Variants in EXTL3 observed in about 807,000 individuals in gnomAD.
EXTL3 encodes exostosin-like 3.
A neutral mutation model predicts 69.3 loss-of-function variants in EXTL3; 27 were observed. The observed-to-expected ratio is 0.39, with a 90% CI of 0.29 to 0.54. EXTL3 has a LOEUF of 0.54. EXTL3 is among the 20% of genes least tolerant of loss of function. EXTL3 has a pLI of 0.69. For missense variants in EXTL3, 1,003 were observed against 1,231.8 expected (o/e 0.81, Z 2.78); for synonymous variants, 511 against 499.4 (o/e 1.02, Z -0.31).
In EXTL3 at chr8:28,667,068, G is replaced by A. The variant is rs533886551; in HGVS notation, c.-53+44258G>A. On this transcript the variant is annotated intron_variant, in intron 1 of 6. Coordinates refer to the EXTL3 transcript ENST00000523149. Reference sequence around the variant, plus strand: ...ACCCAGACACCAGATCCTCTGGGGCGGCAAGGATGAAAGACTCTGGTTGTG... The same window carrying A: ...ACCCAGACACCAGATCCTCTGGGGCAGCAAGGATGAAAGACTCTGGTTGTG... Among the ~76,000 whole-genome samples, 104 of 152,308 alleles carry A rather than the reference G, an allele frequency of 6.8e-4. 1 individual carries two copies. Among genetic ancestry groups the A allele is most frequent in the African/African-American group, 2.1e-3 (87 of 41,554 alleles).
At position 28,693,505 on chromosome 8, in the gene EXTL3, ATT is replaced by A. The variant is rs1016266574; in HGVS notation, c.-52-19942_-52-19941del. Among the ~76,000 whole-genome samples the A allele has an allele frequency of 9.7e-5, 14 of 143,604 alleles. No individual in the cohort carries two copies. The South Asian group carries it at 2.6e-3, about 27-fold the overall frequency. 94.2% of individuals were successfully genotyped at this position (143,604 alleles called of 152,430 possible). On this transcript the variant is annotated intron_variant, in intron 1 of 6. Coordinates refer to the EXTL3 transcript ENST00000523149. ...TTTCTAATGTGAAACTTGAATGTTT[ATT>A]TTTTTTTTTATAGCCACATGGCAAG...
At chr8:28,624,349 A>C (rs984358732) in intron 1 of EXTL3, among the ~76,000 whole-genome samples, 1 of 152,180 alleles carries the variant, frequency 6.6e-6, no homozygotes, top group African/African-American at 2.4e-5. Flanking sequence ...GGATTGCTTG[A>C]GCTCAAGAGT....
intron 1 of EXTL3, among the ~76,000 whole-genome samples, chr8:28,669,153 T>C (rs1563442179): frequency 6.6e-6 from 1 of 152,222 alleles, no homozygotes; most frequent in South Asian, 2.1e-4. Context: ...CATAAGTCAC[T>C]GTGCCTGGCC....
At position 28,716,017 on chromosome 8, in the gene EXTL3, C is replaced by T. The variant is rs374088720; in HGVS notation, c.-43C>T. On this transcript the variant is annotated 5_prime_UTR_variant, in exon 3 of 7. Coordinates refer to ENST00000220562, the MANE Select transcript of EXTL3 (RefSeq NM_001440.4). This position sits in a 1 kb window ranked among gnomAD's most constrained non-coding sequence, Gnocchi z 7.1. ...GTGGAATAGCAACCCATGGTTATGG[C>T]GAGTGACCCGACGTGATCTGGGGGG... 1.6e-5 allele frequency: 24 copies of T among 1,513,556 alleles called. No individual in the cohort carries two copies. Among genetic ancestry groups the T allele is most frequent in the African/African-American group, 1.1e-4 (8 of 73,420 alleles). The allele number at this position is 1,513,556 out of a possible 1,614,324, so 93.8% of individuals were successfully genotyped here.
chr8:28,625,996 CCAAA>C (rs1806484317), intron 1 of EXTL3, among the ~76,000 whole-genome samples: 3 of 51,742 alleles, frequency 5.8e-5, no homozygotes, highest in Admixed American at 6.2e-4. Context: ...CCACATTTCT[CCAAA>C]AAAAAAAAAA....
chr8:28,716,134 C>T lies in EXTL3; in HGVS notation c.75C>T (p.Asn25=). 2 of 1,613,958 alleles carry T rather than the reference C, an allele frequency of 1.2e-6. No individual in the cohort carries two copies. Among genetic ancestry groups the T allele is most frequent in the South Asian group, 1.1e-5 (1 of 91,088 alleles). The change falls in exon 3 of 7, where the codon AAC becomes AAT. Residue 25 remains asparagine, a synonymous_variant. Transcript: ENST00000220562. This position sits in a 1 kb window ranked among gnomAD's most constrained non-coding sequence, Gnocchi z 7.1. ...GGQTCMLRWS[N]RIRLTWLSFT... ...AGACCTGCATGCTGCGCTGGTCCAA[C>T]CGCATCCGCCTCACGTGGCTCAGCT... is the stretch of plus-strand genomic sequence containing the variant.
chr8:28,725,110 G>T (rs1298796676), intron 3 of EXTL3, among the ~76,000 whole-genome samples: 1 of 152,138 alleles, frequency 6.6e-6, no homozygotes, highest in African/African-American at 2.4e-5. Flanking sequence ...TTGCTATAGG[G>T]ATGTATTATG....
intron 1 of EXTL3, among the ~76,000 whole-genome samples, chr8:28,655,950 C>T (rs991555826): frequency 6.6e-6 from 1 of 152,022 alleles, no homozygotes. Flanking sequence ...CTATTATTGG[C>T]TTAGAAATAA....
At chr8:28,664,584 T>C (rs1350348380) in intron 1 of EXTL3, among the ~76,000 whole-genome samples, 1 of 152,132 alleles carries the variant, frequency 6.6e-6, no homozygotes, top group African/African-American at 2.4e-5. Context: ...GTCTCAATAT[T>C]TTTTTTCATA....
intron 1 of EXTL3, among the ~76,000 whole-genome samples, chr8:28,661,901 T>A (rs1585237460): frequency 7.0e-6 from 1 of 143,736 alleles, no homozygotes. Context: ...AAAATTAAAA[T>A]AAAAGATAAA....
chr8:28,619,087 G>C (rs138523172), upstream of EXTL3, among the ~76,000 whole-genome samples: 1,070 of 60,404 alleles, frequency 0.018, 3 homozygotes, highest in Admixed American at 0.031. Context: ...GTGAGACTCC[G>C]TCTCAAAAAA....
intron 1 of EXTL3, among the ~76,000 whole-genome samples, chr8:28,670,464 C>T (rs1807268595): frequency 6.6e-6 from 1 of 152,104 alleles, no homozygotes; most frequent in Non-Finnish European, 1.5e-5. Context: ...GCTGGAGACC[C>T]AGAAGGGCTG....
At position 28,670,335 on chromosome 8, in the gene EXTL3, G is replaced by C. The variant is rs542156951; in HGVS notation, c.-52-43122G>C. Among the ~76,000 whole-genome samples, 15 of 152,238 alleles carry C rather than the reference G, an allele frequency of 9.9e-5. No individual in the cohort carries two copies. In the East Asian group the frequency reaches 2.5e-3, roughly 25 times the overall value. ...TAGAAGGAATTTTTGGTCCAGTTCT[G>C]TATTAAGGGATTGCCAGAGAAACAG... On this transcript the variant is annotated intron_variant, in intron 1 of 6. Transcript: ENST00000523149.
chr8:28,681,161 C>G (rs776239536), intron 1 of EXTL3, among the ~76,000 whole-genome samples: 13 of 152,034 alleles, frequency 8.6e-5, no homozygotes, highest in Admixed American at 2.0e-4. Flanking sequence ...GCGTGAGCCA[C>G]TGCGCCTTGC....
intron 1 of EXTL3, among the ~76,000 whole-genome samples, chr8:28,625,210 T>C (rs1806472912): frequency 6.6e-6 from 1 of 152,156 alleles, no homozygotes; most frequent in Admixed American, 6.5e-5. Context: ...TCACTCCTAG[T>C]GAAAACACTG....
intron 3 of EXTL3, among the ~76,000 whole-genome samples, chr8:28,718,779 CTG>C (rs1310893015): frequency 6.6e-6 from 1 of 152,182 alleles, no homozygotes; most frequent in Non-Finnish European, 1.5e-5. Flanking sequence ...TTTTGGAAGA[CTG>C]GAGTTGGGGT....
intron 1 of EXTL3, among the ~76,000 whole-genome samples, chr8:28,649,027 G>T (rs1806878011): frequency 6.6e-6 from 1 of 151,996 alleles, no homozygotes; most frequent in Non-Finnish European, 1.5e-5. Flanking sequence ...TGAGTAGCTG[G>T]GATTACAGAT....
chr8:28,660,493 CAGACAT>C (rs968878496), intron 1 of EXTL3, among the ~76,000 whole-genome samples: 5 of 149,516 alleles, frequency 3.3e-5, no homozygotes, highest in African/African-American at 1.3e-4. Flanking sequence ...TGTGTACACA[CAGACAT>C]ATATATATAC....
At chr8:28,622,687 T>C (rs1444225612), upstream of EXTL3, 1 of 99,748 alleles carries the variant, frequency 1.0e-5, no homozygotes, top group Non-Finnish European at 2.1e-5. Context: ...GGGCCGGGGA[T>C]GCGGTGAGCC....
Sources: allele counts gnomAD v4.1 joint callset (sites outside exome capture counted in the v4.1 genomes callset), GRCh38; gene constraint gnomAD v4.1.1; non-coding constraint Gnocchi (gnomAD v3.1); transcripts MANE v1.5; gene names NCBI Gene and HGNC (gene_info 2026-07-23, HGNC 2026-07-21).